The following TNFSF10 variants were observed in gnomAD, a reference collection of about 807,000 sequenced individuals.
TNFSF10 encodes the protein TNF superfamily member 10, also known as tumor necrosis factor ligand superfamily member 10.
TNFSF10 carries 13 observed loss-of-function variants against 29.5 expected under a neutral mutation model. The ratio of observed to expected loss-of-function variants is 0.44; its 90% CI spans 0.29 to 0.70. TNFSF10 has a LOEUF of 0.70. Ranked by LOEUF, TNFSF10 falls within the 30% of genes least tolerant of loss-of-function variation. The pLI is 0.13. For synonymous variants in TNFSF10, 111 were observed against 112.8 expected (o/e 0.98, Z 0.10); for missense variants, 345 against 330.9 (o/e 1.04, Z -0.33).
chr3:172,508,059 GA>G (rs767965958), intron 4 of TNFSF10, among the ~76,000 whole-genome samples: 58 of 152,236 alleles, frequency 3.8e-4, no homozygotes, highest in South Asian at 8.3e-4. Context: ...CCCATGCACA[GA>G]GGCCTGGTGT....
At chr3:172,511,958 C>A (rs6792667) in intron 2 of TNFSF10, among the ~76,000 whole-genome samples, 1 of 152,168 alleles carries the variant, frequency 6.6e-6, no homozygotes, top group African/African-American at 2.4e-5. Flanking sequence ...AGAAGCCATC[C>A]GCCATGTGAT....
At chr3:172,507,473 A>T (rs958162846) in intron 4 of TNFSF10, 1 of 152,200 alleles carries the variant, frequency 6.6e-6, no homozygotes, top group Admixed American at 6.6e-5. Context: ...ATAGAGGCAC[A>T]AAGTTGGCAA....
At chr3:172,518,425 T>G in intron 1 of TNFSF10, 1 of 1,289,448 alleles carries the variant, frequency 7.8e-7, no homozygotes, top group Non-Finnish European at 1.0e-6. Flanking sequence ...TGACCCTGTC[T>G]GCTGCCCAGA....
At chr3:172,518,230 C>G in intron 1 of TNFSF10, 2 of 1,136,306 alleles carry the variant, frequency 1.8e-6, no homozygotes, top group Non-Finnish European at 2.2e-6. Context: ...GAAAAGAAAG[C>G]TCTTGCACTG....
At chr3:172,517,687 A>T in intron 1 of TNFSF10, 1 of 985,336 alleles carries the variant, frequency 1.0e-6, no homozygotes, top group Non-Finnish European at 1.2e-6. Context: ...TTTTCTCATA[A>T]GACTATATAA....
intron 2 of TNFSF10, among the ~76,000 whole-genome samples, chr3:172,511,935 C>T (rs1713241007): frequency 6.6e-6 from 1 of 152,184 alleles, no homozygotes; most frequent in African/African-American, 2.4e-5. Flanking sequence ...ACACCTGGAG[C>T]AGTGCAGGAG....
chr3:172,508,395 T>C (rs1227684113), intron 4 of TNFSF10, among the ~76,000 whole-genome samples: 1 of 152,168 alleles, frequency 6.6e-6, no homozygotes, highest in Non-Finnish European at 1.5e-5. Context: ...GTAACATATA[T>C]GGTTAAACTA....
At chr3:172,518,498 T>C in intron 1 of TNFSF10, 1 of 1,280,464 alleles carries the variant, frequency 7.8e-7, no homozygotes, top group Non-Finnish European at 1.0e-6. Context: ...TTTATGGAGA[T>C]CCGTGGAGAG....
At chr3:172,520,894 CA>C (rs1304275861) in intron 1 of TNFSF10, among the ~76,000 whole-genome samples, 2 of 152,122 alleles carry the variant, frequency 1.3e-5, no homozygotes, top group African/African-American at 2.4e-5. Context: ...TCAGAAATAA[CA>C]CTACACATCT....
At chr3:172,508,236 A>C (rs1713069910) in intron 4 of TNFSF10, among the ~76,000 whole-genome samples, 1 of 151,996 alleles carries the variant, frequency 6.6e-6, no homozygotes, top group African/African-American at 2.4e-5. Flanking sequence ...CAAAGGTTGC[A>C]GTGAGCCGAG....
chr3:172,510,589 G>C (rs1460286430), intron 3 of TNFSF10, among the ~76,000 whole-genome samples: 1 of 151,986 alleles, frequency 6.6e-6, no homozygotes, highest in Non-Finnish European at 1.5e-5. Context: ...ATATATCTTG[G>C]TATACAGAGT....
chr3:172,507,165 T>A, intron 4 of TNFSF10: 1 of 486,680 alleles, frequency 2.1e-6, no homozygotes, highest in East Asian at 3.6e-5. Context: ...TTATACCTTG[T>A]CAGCTGCTTA....
chr3:172,516,630 C>T (rs1248240713), intron 1 of TNFSF10, among the ~76,000 whole-genome samples: 1 of 152,120 alleles, frequency 6.6e-6, no homozygotes, highest in Non-Finnish European at 1.5e-5. Flanking sequence ...TTTTAAATTA[C>T]AAGAGAAAAA....
At chr3:172,519,341 T>C (rs1288950712) in intron 1 of TNFSF10, among the ~76,000 whole-genome samples, 1 of 149,848 alleles carries the variant, frequency 6.7e-6, no homozygotes, top group Non-Finnish European at 1.5e-5. Context: ...AATTTGATTA[T>C]ATATACAGAC....
rs756092000 is a variant in TNFSF10 at position 172,506,804 on chromosome 3, T to C, written c.534A>G (p.Glu178=). 10 of 1,614,202 alleles carry C rather than the reference T, an allele frequency of 6.2e-6. No homozygotes were observed. The Admixed American group carries it at 1.0e-4, about 16-fold the overall frequency. ...HLRNGELVIH[E]KGFYYIYSQT... ...GGGAATAGATGTAGTAAAACCCTTT[T>C]TCATGGATGACCAGTTCACCATTCC... The change falls in exon 5 of 5, where the codon GAA becomes GAG. Residue 178 remains glutamate, a synonymous_variant. Transcript: ENST00000241261.
rs145496528 is a variant in TNFSF10, at chr3:172,506,612, G to A, written c.726C>T (p.Ile242=). The A allele has an allele frequency of 6.8e-5, 110 of 1,614,020 alleles. No individual in the cohort carries two copies. Among genetic ancestry groups the A allele is most frequent in the Middle Eastern group, 3.3e-4 (2 of 6,084 alleles). ...SKDAEYGLYS[I]YQGGIFELKE... ...TAAGCTCAAATATTCCCCCTTGATA[G>A]ATGGAATAGAGTCCATATTCTGCAT... Residue 242 remains isoleucine (I), a synonymous_variant, in exon 5 of 5, where the codon ATC becomes ATT. Transcript: ENST00000241261.
intron 1 of TNFSF10, among the ~76,000 whole-genome samples, chr3:172,517,119 A>G (rs1243516398): frequency 1.3e-5 from 2 of 152,228 alleles, no homozygotes; most frequent in East Asian, 3.8e-4. Context: ...CTCAGCAGGA[A>G]ATGGCTGAAT....
chr3:172,514,548 CCTT>C (rs746875135), intron 2 of TNFSF10, among the ~76,000 whole-genome samples: 10 of 152,096 alleles, frequency 6.6e-5, no homozygotes, highest in Non-Finnish European at 1.5e-4. Flanking sequence ...GACTTTGTGA[CCTT>C]CTCTTCATTA....
chr3:172,520,287 C>G (rs6802197), intron 1 of TNFSF10, among the ~76,000 whole-genome samples: 2,353 of 152,276 alleles, frequency 0.015, 59 homozygotes, highest in African/African-American at 0.053. Flanking sequence ...CATGGACCAT[C>G]CACAGGCAGA....
Sources: gnomAD v4.1 joint callset for allele counts (sites outside exome capture counted in the v4.1 genomes callset) on GRCh38, gnomAD v4.1.1 for gene constraint, MANE v1.5 for transcripts, NCBI Gene and HGNC (gene_info 2026-07-23, HGNC 2026-07-21) for gene names.